PPARGC1A: variants seen among roughly 807,000 people sequenced by gnomAD.
PPARGC1A encodes the protein peroxisome proliferator-activated receptor gamma coactivator 1-alpha.
Under a neutral mutation model 88.7 loss-of-function variants are expected in PPARGC1A, and 25 were observed. That is an observed-to-expected ratio of 0.28 (90% CI 0.21 to 0.39). PPARGC1A has a LOEUF of 0.39. Ranked by LOEUF, PPARGC1A falls within the 10% of genes least tolerant of loss-of-function variation. The probability of loss-of-function intolerance (pLI) is 1.00; values close to 1 mark genes in which losing one functional copy is unlikely to be tolerated. For synonymous variants in PPARGC1A, 363 were observed against 355.6 expected (o/e 1.02, Z -0.24); for missense variants, 880 against 968.7 (o/e 0.91, Z 1.22).
the PPARGC1A span, among the ~76,000 whole-genome samples, chr4:24,282,834 C>A: frequency 6.6e-6 from 1 of 152,178 alleles, no homozygotes; most frequent in Non-Finnish European, 1.5e-5. Flanking sequence ...TCCATACACA[C>A]CTGTCACCCA....
At chr4:24,355,117 A>G in the PPARGC1A span, among the ~76,000 whole-genome samples, 4 of 152,296 alleles carry the variant, frequency 2.6e-5, no homozygotes, top group East Asian at 1.9e-4. Flanking sequence ...TCACGACATT[A>G]TCTCTCTCCT....
chr4:24,437,503 G>A, the PPARGC1A span, among the ~76,000 whole-genome samples: 27 of 152,196 alleles, frequency 1.8e-4, 1 homozygote, highest in Non-Finnish European at 3.5e-4. Context: ...GTAGAGAGGT[G>A]CAGGAGATGA....
the PPARGC1A span, among the ~76,000 whole-genome samples, chr4:24,337,196 T>C: frequency 2.6e-5 from 4 of 152,170 alleles, no homozygotes; most frequent in African/African-American, 4.8e-5. Context: ...AGGCAAAAAA[T>C]TGGGAGCCCA....
the PPARGC1A span, among the ~76,000 whole-genome samples, chr4:24,290,535 A>G: frequency 1.3e-5 from 2 of 152,172 alleles, no homozygotes; most frequent in African/African-American, 4.8e-5. Flanking sequence ...AATAACATAA[A>G]TAATCCAAAT....
rs71196134 is a variant in PPARGC1A at position 23,811,889 on chromosome 4, C to CTTTTTTTT, written c.2019+850_2019+857dup. 8.5e-5 allele frequency among the ~76,000 whole-genome samples: 5 copies of CTTTTTTTT among 59,088 alleles called. 2 individuals are homozygous for CTTTTTTTT. The highest frequency in any genetic ancestry group is 1.3e-4 in the Non-Finnish European group (4 of 31,620). 38.8% of individuals were successfully genotyped at this position (59,088 alleles called of 152,430 possible). A position where few individuals can be genotyped will look rare whatever the true frequency, so the allele number is the denominator to read the frequency against. On this transcript the variant is annotated intron_variant, in intron 10 of 12. Transcript: ENST00000264867. ...GACGACCATCACGCAGAAGAAATGACTTTTTTTTTTTTTTTTTTTTTTTTT... is the reference window on the plus strand; with the variant it reads ...GACGACCATCACGCAGAAGAAATGACTTTTTTTTTTTTTTTTTTTTTTTTTTTTTTTTT...
chr4:23,879,019 G>C (rs1715371679), intron 2 of PPARGC1A, among the ~76,000 whole-genome samples: 1 of 151,598 alleles, frequency 6.6e-6, no homozygotes, highest in Admixed American at 6.5e-5. Flanking sequence ...GCAAAAATCT[G>C]GCTGTGGGCC....
At chr4:23,798,545 C>A (rs1718053480) in intron 12 of PPARGC1A, among the ~76,000 whole-genome samples, 1 of 152,160 alleles carries the variant, frequency 6.6e-6, no homozygotes, top group African/African-American at 2.4e-5. Flanking sequence ...TAATACAATA[C>A]ATTCATTTCA....
chr4:23,885,676 A>G (rs1391231953), intron 1 of PPARGC1A, among the ~76,000 whole-genome samples: 2 of 152,012 alleles, frequency 1.3e-5, no homozygotes, highest in African/African-American at 4.8e-5. Context: ...GTGTTTGCAC[A>G]CGTATGTGTG....
the PPARGC1A span, among the ~76,000 whole-genome samples, chr4:24,163,819 A>G: frequency 6.6e-6 from 1 of 152,224 alleles, no homozygotes; most frequent in East Asian, 1.9e-4. Context: ...CTCATTAAGT[A>G]CCACTCTGTT....
the PPARGC1A span, among the ~76,000 whole-genome samples, chr4:23,985,977 G>A: frequency 6.6e-6 from 1 of 151,958 alleles, no homozygotes; most frequent in African/African-American, 2.4e-5. Context: ...CTTGGACAAT[G>A]ACCCTTCATC....
chr4:24,208,686 T>A, the PPARGC1A span, among the ~76,000 whole-genome samples: 13,962 of 62,202 alleles, frequency 0.22, 867 homozygotes, highest in East Asian at 0.32. Context: ...AAAAAAAATA[T>A]ATATATATAT....
chr4:24,387,830 A>AAGAAAGAG, the PPARGC1A span, among the ~76,000 whole-genome samples: 3 of 96,548 alleles, frequency 3.1e-5, no homozygotes, highest in Admixed American at 1.2e-4. Flanking sequence ...GAAAGAGAGA[A>AAGAAAGAG]AGAGAGAAAG....
chr4:24,463,059 G>A, the PPARGC1A span, among the ~76,000 whole-genome samples: 1 of 151,782 alleles, frequency 6.6e-6, no homozygotes, highest in Non-Finnish European at 1.5e-5. Flanking sequence ...CAGCTCCCTC[G>A]ACTTCACACG....
At chr4:24,340,543 A>G in the PPARGC1A span, among the ~76,000 whole-genome samples, 1 of 152,228 alleles carries the variant, frequency 6.6e-6, no homozygotes, top group East Asian at 1.9e-4. Context: ...ATAAAGATAG[A>G]TAAAACATTA....
Position 23,895,974 on chromosome 4 carries a change from GTGTGTGTATATATA to G in PPARGC1A, n.52+3279_52+3292del, listed in dbSNP as rs1288528106. Among the ~76,000 whole-genome samples the G allele has an allele frequency of 5.2e-4, 40 of 77,358 alleles. 1 individual carries two copies. The highest frequency in any genetic ancestry group is 1.4e-3 in the African/African-American group (27 of 19,830). The allele number at this position is 77,358 out of a possible 152,430, so 50.7% of individuals were successfully genotyped here. A position where few individuals can be genotyped will look rare whatever the true frequency, so the allele number is the denominator to read the frequency against. On this transcript the variant is annotated intron_variant and non_coding_transcript_variant, in intron 1 of 3. Coordinates refer to the PPARGC1A transcript ENST00000507342. Reference sequence around the variant, plus strand: ...TGTGTGTGTGTGTGTGTGTGTGTGTGTGTGTGTATATATATATACACACACATATTTATATTTAA... The same window carrying G: ...TGTGTGTGTGTGTGTGTGTGTGTGTGTATACACACACATATTTATATTTAA...
At chr4:24,351,158 G>C in the PPARGC1A span, among the ~76,000 whole-genome samples, 1 of 151,824 alleles carries the variant, frequency 6.6e-6, no homozygotes, top group East Asian at 1.9e-4. Context: ...TTGAGCCCAG[G>C]AGCCAAAGGT....
chr4:24,175,195 A>G, the PPARGC1A span, among the ~76,000 whole-genome samples: 5 of 152,152 alleles, frequency 3.3e-5, no homozygotes, highest in Admixed American at 2.6e-4. Flanking sequence ...ATTCTAGTCT[A>G]TCAGGTAATT....
chr4:24,248,734 T>C, the PPARGC1A span, among the ~76,000 whole-genome samples: 1 of 152,182 alleles, frequency 6.6e-6, no homozygotes, highest in Non-Finnish European at 1.5e-5. Flanking sequence ...GGTTAATGCA[T>C]GAGGCTGATA....
chr4:24,422,800 G>A, the PPARGC1A span, among the ~76,000 whole-genome samples: 1 of 152,086 alleles, frequency 6.6e-6, no homozygotes, highest in Admixed American at 6.5e-5. Flanking sequence ...GAAACAATGG[G>A]TAGGCTCTGG....
Sources: gnomAD v4.1 joint callset for allele counts (sites outside exome capture counted in the v4.1 genomes callset) on GRCh38, gnomAD v4.1.1 for gene constraint, MANE v1.5 for transcripts, NCBI Gene and HGNC (gene_info 2026-07-23, HGNC 2026-07-21) for gene names.